Variants in COPG2 observed in about 807,000 individuals in gnomAD.
The protein encoded by COPG2 is coat protein complex I subunit gamma 2, also known as coatomer subunit gamma-2.
In COPG2, 37 loss-of-function variants were observed where a neutral mutation model predicts 46.3. The observed-to-expected ratio is 0.80, with a 90% confidence interval of 0.61 to 1.05. The LOEUF (loss-of-function observed/expected upper bound fraction) is 1.05, where lower values mean the gene tolerates loss of function less well. Ranked by LOEUF, COPG2 falls within the 50% of genes least tolerant of loss-of-function variation. The pLI is 0.00. For missense variants in COPG2, 427 were observed against 387.8 expected (o/e 1.10, Z -0.85); for synonymous variants, 159 against 129.7 (o/e 1.23, Z -1.53).
chr7:130,518,243 TA>T (rs1259765930), intron 20 of COPG2, among the ~76,000 whole-genome samples: 1 of 152,190 alleles, frequency 6.6e-6, no homozygotes, highest in African/African-American at 2.4e-5. Context: ...TTGGTTTCTT[TA>T]AAAAAGATCT....
intron 9 of COPG2, among the ~76,000 whole-genome samples, chr7:130,565,329 T>C (rs1411397623): frequency 1.3e-5 from 2 of 152,186 alleles, no homozygotes; most frequent in Non-Finnish European, 2.9e-5. Context: ...AAATTATTAT[T>C]TGTGACTCAG....
chr7:130,520,750 A>G (rs947037916), intron 20 of COPG2, among the ~76,000 whole-genome samples: 1 of 152,240 alleles, frequency 6.6e-6, no homozygotes, highest in Non-Finnish European at 1.5e-5. Context: ...TGGTAAGTAA[A>G]TATTTCCAAA....
chr7:130,664,673 G>A (rs1563075050), intron 3 of COPG2, among the ~76,000 whole-genome samples: 1 of 152,342 alleles, frequency 6.6e-6, no homozygotes, highest in East Asian at 1.9e-4. Flanking sequence ...AACATGAGTT[G>A]CCTCATTGAA....
intron 20 of COPG2, chr7:130,511,800 G>C (rs141046673): frequency 5.8e-6 from 3 of 519,484 alleles, no homozygotes; most frequent in Non-Finnish European, 1.2e-5. Context: ...ACACAGAAAG[G>C]GTTAAGGAGC....
chr7:130,650,736 AG>A, intron 5 of COPG2, among the ~76,000 whole-genome samples: 1 of 152,188 alleles, frequency 6.6e-6, no homozygotes, highest in Non-Finnish European at 1.5e-5. Context: ...CCTTGGGAAA[AG>A]ATATTAGATT....
chr7:130,620,188 C>G (rs1458408012), intron 5 of COPG2, among the ~76,000 whole-genome samples: 2 of 152,076 alleles, frequency 1.3e-5, no homozygotes, highest in Non-Finnish European at 2.9e-5. Flanking sequence ...TATTAAATTG[C>G]TTAAATTTTT....
chr7:130,620,552 T>C (rs782035244), intron 5 of COPG2, among the ~76,000 whole-genome samples: 8 of 152,208 alleles, frequency 5.3e-5, no homozygotes, highest in Non-Finnish European at 1.0e-4. Context: ...TTTCCTCTCA[T>C]TGTCTCCCTT....
At chr7:130,627,390 A>T (rs1795137860) in intron 5 of COPG2, among the ~76,000 whole-genome samples, 1 of 152,138 alleles carries the variant, frequency 6.6e-6, no homozygotes, top group Non-Finnish European at 1.5e-5. Flanking sequence ...GCTAATAGAA[A>T]AATGCAAGTT....
At chr7:130,634,457 C>G (rs1168824719) in intron 5 of COPG2, among the ~76,000 whole-genome samples, 1 of 152,056 alleles carries the variant, frequency 6.6e-6, no homozygotes, top group East Asian at 1.9e-4. Context: ...AGTTGAATTC[C>G]TAGGTATTTT....
At chr7:130,528,747 G>C (rs1052299913) in intron 20 of COPG2, among the ~76,000 whole-genome samples, 1 of 151,646 alleles carries the variant, frequency 6.6e-6, no homozygotes, top group Admixed American at 6.6e-5. Context: ...AGAATGAGTC[G>C]GAGCAGGCAA....
intron 9 of COPG2, among the ~76,000 whole-genome samples, chr7:130,565,245 C>T (rs1051622920): frequency 5.9e-5 from 9 of 152,284 alleles, no homozygotes; most frequent in Admixed American, 2.6e-4. Flanking sequence ...ATGGAAAGCA[C>T]GCCCCAACAT....
In COPG2 at chr7:130,652,884, A is replaced by G; in HGVS notation, c.308T>C (p.Ile103Thr). Residue 103 changes from isoleucine to threonine, a missense_variant, in exon 5 of 24, where the codon ATA (isoleucine) becomes ACA (threonine). Transcript: ENST00000425248. ...ATTTACATACCTGCTTGTGACAATTATCACATCCTCAGAGATGGTAGCCAT... is the reference window on the plus strand; with the variant it reads ...ATTTACATACCTGCTTGTGACAATTGTCACATCCTCAGAGATGGTAGCCAT... ...KEMATISEDV[I>T]IVTSSLTKDM... is the part of the protein sequence containing the mutation. The G allele has an allele frequency of 6.2e-7, 1 of 1,601,680 alleles. No homozygotes were observed.
chr7:130,653,074 CA>C (rs375839317), intron 4 of COPG2, 126 bp from the exon 5 acceptor site: 65,366 of 437,868 alleles, frequency 0.15, 3,994 homozygotes, highest in African/African-American at 0.37. Flanking sequence ...TCTCATCTAC[CA>C]AAAAAAAAAA....
At chr7:130,668,582 G>T in intron 1 of COPG2, 50 bp downstream of exon 1, 2 of 1,477,054 alleles carry the variant, frequency 1.4e-6, no homozygotes. Context: ...GGCGGGCGGG[G>T]GAAGGGGCGT....
chr7:130,611,259 C>T (rs1563058863), intron 8 of COPG2, 149 bp from the exon 9 acceptor site: 1 of 712,784 alleles, frequency 1.4e-6, no homozygotes, highest in East Asian at 2.7e-5. Flanking sequence ...CTGAACTAAA[C>T]ACAGGCAAGA....
chr7:130,650,967 T>G (rs1323056844), intron 5 of COPG2, among the ~76,000 whole-genome samples: 4 of 152,152 alleles, frequency 2.6e-5, no homozygotes, highest in African/African-American at 9.7e-5. Context: ...AAAAATAAAC[T>G]CCCATCTTGT....
chr7:130,525,806 G>T (rs1799768353), intron 20 of COPG2, among the ~76,000 whole-genome samples: 1 of 152,156 alleles, frequency 6.6e-6, no homozygotes, highest in Non-Finnish European at 1.5e-5. Flanking sequence ...TTTGGTGCTG[G>T]AGTGTGGACT....
At chr7:130,606,201 G>C (rs1794724634) in intron 9 of COPG2, among the ~76,000 whole-genome samples, 1 of 151,098 alleles carries the variant, frequency 6.6e-6, no homozygotes, top group Non-Finnish European at 1.5e-5. Flanking sequence ...ACTCCAGCCT[G>C]GGCAGCAGAG....
chr7:130,652,837 TATCTC>T (rs1554459304), intron 5 of COPG2, 27 bp downstream of exon 5: 2 of 1,337,354 alleles, frequency 1.5e-6, no homozygotes, highest in South Asian at 2.5e-5. Flanking sequence ...AATATATAAG[TATCTC>T]ATCCTAGATT....
Sources: allele counts gnomAD v4.1 joint callset (sites outside exome capture counted in the v4.1 genomes callset), GRCh38; gene constraint gnomAD v4.1.1; transcripts MANE v1.5; gene names NCBI Gene and HGNC (gene_info 2026-07-23, HGNC 2026-07-21).